ULK4: variants seen among roughly 807,000 people sequenced by gnomAD.
ULK4 encodes inactive serine/threonine-protein kinase ULK4.
A neutral mutation model predicts 160.6 loss-of-function variants in ULK4; 133 were observed. The observed-to-expected ratio is 0.83, with a 90% CI of 0.72 to 0.96. ULK4 has a LOEUF of 0.96. ULK4 is among the 40% of genes least tolerant of loss of function. The pLI, the probability that ULK4 is intolerant of heterozygous loss-of-function variation, is 0.00. For synonymous variants in ULK4, 534 were observed against 539.8 expected (o/e 0.99, Z 0.15); for missense variants, 1,580 against 1,499.5 (o/e 1.05, Z -0.89).
At chr3:41,666,401 A>G (rs1438294593) in intron 29 of ULK4, among the ~76,000 whole-genome samples, 1 of 152,210 alleles carries the variant, frequency 6.6e-6, no homozygotes, top group Admixed American at 6.5e-5. Flanking sequence ...TTTCTTTAGA[A>G]TGTGCAAAGT....
At chr3:41,673,106 C>T (rs1181927632) in intron 29 of ULK4, among the ~76,000 whole-genome samples, 1 of 151,984 alleles carries the variant, frequency 6.6e-6, no homozygotes, top group East Asian at 1.9e-4. Flanking sequence ...TATCAAAGTG[C>T]TGGGATTACA....
At chr3:41,557,741 G>C (rs188601890) in intron 32 of ULK4, among the ~76,000 whole-genome samples, 46 of 151,794 alleles carry the variant, frequency 3.0e-4, no homozygotes, top group Admixed American at 2.8e-3. Context: ...CTCCAGCCTG[G>C]GTAACACAAG....
chr3:41,791,627 T>A (rs2040153952), intron 20 of ULK4, among the ~76,000 whole-genome samples: 1 of 152,166 alleles, frequency 6.6e-6, no homozygotes. Flanking sequence ...TTCCAGTAAA[T>A]GCATATTATT....
chr3:41,303,995 G>C (rs58095906), intron 35 of ULK4, among the ~76,000 whole-genome samples: 1,676 of 152,254 alleles, frequency 0.011, 38 homozygotes, highest in African/African-American at 0.038. Flanking sequence ...AACAGGGCAG[G>C]TGTGATGGCT....
intron 16 of ULK4, among the ~76,000 whole-genome samples, chr3:41,892,958 T>G (rs1698019354): frequency 6.6e-6 from 1 of 152,230 alleles, no homozygotes; most frequent in South Asian, 2.1e-4. Context: ...TCTCCTTAGC[T>G]GCAGCACCCA....
At position 41,558,566 on chromosome 3, in the gene ULK4, T is replaced by C. The variant is rs142968784; in HGVS notation, c.3226+7459A>G. 4.4e-3 allele frequency among the ~76,000 whole-genome samples: 665 copies of C among 151,916 alleles called. 6 individuals carry two copies. The highest frequency in any genetic ancestry group is 0.015 in the African/African-American group (637 of 41,476). ...TAAATATACAAAAATTAGCCGGGCA[T>C]GGTGGTGGGCGACTGTAATCCCAGC... On this transcript the variant is annotated intron_variant, in intron 32 of 36. Coordinates refer to ENST00000301831, the MANE Select transcript of ULK4 (RefSeq NM_017886.4).
chr3:41,811,176 T>C (rs2040812178), intron 19 of ULK4, among the ~76,000 whole-genome samples: 1 of 151,960 alleles, frequency 6.6e-6, no homozygotes, highest in African/African-American at 2.4e-5. Flanking sequence ...TATAAGCCAC[T>C]GCACCTGGCC....
At chr3:41,741,784 C>T (rs1056962665) in intron 22 of ULK4, among the ~76,000 whole-genome samples, 1 of 151,786 alleles carries the variant, frequency 6.6e-6, no homozygotes, top group Admixed American at 6.6e-5. Context: ...TCTAGTTCTG[C>T]CAAGATGGAG....
At chr3:41,869,877 C>CT (rs1278119884) in intron 17 of ULK4, among the ~76,000 whole-genome samples, 1 of 152,188 alleles carries the variant, frequency 6.6e-6, no homozygotes, top group African/African-American at 2.4e-5. Flanking sequence ...GAAAAACTCA[C>CT]TTTAACATTT....
At chr3:41,822,787 T>A (rs893912344) in intron 18 of ULK4, among the ~76,000 whole-genome samples, 8 of 138,836 alleles carry the variant, frequency 5.8e-5, no homozygotes, top group Admixed American at 5.4e-4. Context: ...AGTGGCAACA[T>A]CTTGGCTCAC....
At chr3:41,955,035 A>G (rs914777715) in intron 1 of ULK4, among the ~76,000 whole-genome samples, 2 of 152,258 alleles carry the variant, frequency 1.3e-5, no homozygotes, top group Non-Finnish European at 2.9e-5. Flanking sequence ...TCACGCCTGT[A>G]ATCCCAGCAC....
chr3:41,320,673 T>C (rs563514034), intron 35 of ULK4, among the ~76,000 whole-genome samples: 71 of 151,934 alleles, frequency 4.7e-4, no homozygotes, highest in African/African-American at 1.5e-3. Context: ...TCCCAGCACT[T>C]TGAGAGGCTG....
At chr3:41,420,965 T>C (rs2082650748) in intron 34 of ULK4, among the ~76,000 whole-genome samples, 1 of 151,810 alleles carries the variant, frequency 6.6e-6, no homozygotes, top group African/African-American at 2.4e-5. Context: ...AATACAAAAA[T>C]GAACTGGGCA....
At chr3:41,375,074 A>G (rs1356250892) in intron 35 of ULK4, among the ~76,000 whole-genome samples, 4 of 152,168 alleles carry the variant, frequency 2.6e-5, no homozygotes, top group Non-Finnish European at 4.4e-5. Flanking sequence ...TACAATTTAC[A>G]AGGGATGTGA....
At chr3:41,533,979 T>C (rs1386420757) in intron 32 of ULK4, among the ~76,000 whole-genome samples, 3 of 152,108 alleles carry the variant, frequency 2.0e-5, no homozygotes, top group African/African-American at 7.2e-5. Context: ...GGCTAATTTT[T>C]TGTATTTTTA....
intron 19 of ULK4, among the ~76,000 whole-genome samples, chr3:41,802,062 T>C (rs1025483883): frequency 1.3e-5 from 2 of 151,646 alleles, no homozygotes; most frequent in Non-Finnish European, 2.9e-5. Context: ...AAAAATAACA[T>C]CTTTCAAAAA....
intron 32 of ULK4, among the ~76,000 whole-genome samples, chr3:41,502,785 G>A (rs1225981856): frequency 6.6e-6 from 1 of 152,186 alleles, no homozygotes; most frequent in African/African-American, 2.4e-5. Flanking sequence ...CCAGGAAGTG[G>A]GAGGGGTTGA....
chr3:41,267,023 G>T (rs1016840738), intron 35 of ULK4, among the ~76,000 whole-genome samples: 1 of 144,838 alleles, frequency 6.9e-6, no homozygotes, highest in East Asian at 2.1e-4. Flanking sequence ...TCTATTGGGG[G>T]GGGGGGGTTT....
At chr3:41,533,509 C>T (rs879848311) in intron 32 of ULK4, among the ~76,000 whole-genome samples, 6 of 152,066 alleles carry the variant, frequency 3.9e-5, no homozygotes, top group Non-Finnish European at 7.4e-5. Flanking sequence ...GTTTGGGAAG[C>T]GTTTGAATTA....
Sources: allele counts gnomAD v4.1 joint callset (sites outside exome capture counted in the v4.1 genomes callset), GRCh38; gene constraint gnomAD v4.1.1; transcripts MANE v1.5; gene names NCBI Gene and HGNC (gene_info 2026-07-23, HGNC 2026-07-21).